The following NME7 variants were observed in gnomAD, a reference collection of about 807,000 sequenced individuals.
The protein encoded by NME7 is nucleoside diphosphate kinase 7.
NME7 carries 41 observed loss-of-function variants against 49.1 expected under a neutral mutation model. The ratio of observed to expected loss-of-function variants is 0.83; its 90% CI spans 0.65 to 1.08. NME7 has a LOEUF of 1.08. Ranked by LOEUF, NME7 falls within the 50% of genes least tolerant of loss-of-function variation. The probability of loss-of-function intolerance (pLI) is 0.00; values close to 1 mark genes in which losing one functional copy is unlikely to be tolerated. For synonymous variants in NME7, 139 were observed against 150.6 expected (o/e 0.92, Z 0.56); for missense variants, 423 against 463.4 (o/e 0.91, Z 0.80).
At chr1:169,342,542 ATAG>A (rs1389551417) in intron 1 of NME7, among the ~76,000 whole-genome samples, 2 of 126,362 alleles carry the variant, frequency 1.6e-5, no homozygotes, top group African/African-American at 5.7e-5. Context: ...GTACATATAT[ATAG>A]TATATATATA....
At chr1:169,272,754 A>T (rs1314844787) in intron 7 of NME7, among the ~76,000 whole-genome samples, 1 of 133,234 alleles carries the variant, frequency 7.5e-6, no homozygotes, top group East Asian at 2.0e-4. Context: ...TGCAATGAAC[A>T]TACACGTGCA....
At chr1:169,159,955 T>C (rs1248003684) in intron 11 of NME7, among the ~76,000 whole-genome samples, 1 of 152,168 alleles carries the variant, frequency 6.6e-6, no homozygotes, top group Non-Finnish European at 1.5e-5. Context: ...GTGATTTCAA[T>C]GCCACTCAAC....
chr1:169,351,823 T>TA (rs1209233255), intron 1 of NME7, among the ~76,000 whole-genome samples: 1 of 151,762 alleles, frequency 6.6e-6, no homozygotes, highest in Non-Finnish European at 1.5e-5. Context: ...TAAAAATCTG[T>TA]AAAAAATCAA....
At chr1:169,204,007 C>A (rs1173269887) in intron 10 of NME7, among the ~76,000 whole-genome samples, 1 of 151,958 alleles carries the variant, frequency 6.6e-6, no homozygotes, top group Non-Finnish European at 1.5e-5. Context: ...CAGGTATGCA[C>A]CACCATGCCT....
chr1:169,342,667 GTATATATATATACAAGTAC>G (rs1652779532), intron 1 of NME7, among the ~76,000 whole-genome samples: 2 of 25,336 alleles, frequency 7.9e-5, no homozygotes, highest in Admixed American at 6.1e-4. Flanking sequence ...TATATATATA[GTATATATATATACAAGTAC>G]ATATATATAG....
chr1:169,209,941 T>C (rs1490560359), intron 10 of NME7, among the ~76,000 whole-genome samples: 1 of 152,198 alleles, frequency 6.6e-6, no homozygotes, highest in African/African-American at 2.4e-5. Context: ...CTGTTATTAA[T>C]ATAATTTCTT....
intron 6 of NME7, among the ~76,000 whole-genome samples, chr1:169,291,342 G>T (rs938962681): frequency 2.0e-5 from 3 of 152,148 alleles, no homozygotes; most frequent in Non-Finnish European, 4.4e-5. Context: ...AAAAATGGAT[G>T]AGTTCATGTC....
intron 10 of NME7, among the ~76,000 whole-genome samples, chr1:169,205,295 G>T (rs767929733): frequency 6.6e-6 from 1 of 152,052 alleles, no homozygotes; most frequent in Non-Finnish European, 1.5e-5. Context: ...TGTATGAAAA[G>T]AATAAGGTTC....
At chr1:169,216,672 A>C (rs1045679403) in intron 10 of NME7, among the ~76,000 whole-genome samples, 2 of 152,244 alleles carry the variant, frequency 1.3e-5, no homozygotes, top group Non-Finnish European at 2.9e-5. Flanking sequence ...TGGGAATTGC[A>C]ATTAGCACAG....
At chr1:169,279,963 T>G (rs763525188) in intron 7 of NME7, among the ~76,000 whole-genome samples, 29 of 152,228 alleles carry the variant, frequency 1.9e-4, no homozygotes, top group Non-Finnish European at 4.0e-4. Context: ...TTTATAACCC[T>G]TTGGGTATAT....
chr1:169,271,614 C>A (rs1649494781), intron 7 of NME7, among the ~76,000 whole-genome samples: 1 of 133,348 alleles, frequency 7.5e-6, no homozygotes, highest in Non-Finnish European at 1.8e-5. Context: ...TGTGCTTGCC[C>A]TTTATTGTAT....
At chr1:169,150,754 C>G in intron 11 of NME7, among the ~76,000 whole-genome samples, 1 of 109,956 alleles carries the variant, frequency 9.1e-6, no homozygotes. Flanking sequence ...AGAAGAGAGG[C>G]TGGAAAAGGA....
chr1:169,366,397 G>T (rs1653853206), intron 1 of NME7, among the ~76,000 whole-genome samples: 1 of 152,218 alleles, frequency 6.6e-6, no homozygotes, highest in South Asian at 2.1e-4. Flanking sequence ...ATCCTTTCAA[G>T]AAGTTTACTG....
At chr1:169,231,235 C>T (rs902117680) in intron 9 of NME7, among the ~76,000 whole-genome samples, 1 of 152,146 alleles carries the variant, frequency 6.6e-6, no homozygotes, top group Non-Finnish European at 1.5e-5. Flanking sequence ...CAGATTTATT[C>T]TCCCATATTA....
chr1:169,246,617 A>AT (rs3216527), intron 7 of NME7, among the ~76,000 whole-genome samples: 56 of 151,324 alleles, frequency 3.7e-4, no homozygotes, highest in African/African-American at 1.2e-3. Context: ...TTTTATTTGT[A>AT]TTTTTTTTTA....
intron 10 of NME7, among the ~76,000 whole-genome samples, chr1:169,176,086 T>C (rs1241348306): frequency 6.6e-6 from 1 of 152,158 alleles, no homozygotes; most frequent in African/African-American, 2.4e-5. Context: ...TCAAACAGCT[T>C]TTCCCAGTAG....
At chr1:169,143,161 C>G (rs10081960) in intron 11 of NME7, among the ~76,000 whole-genome samples, 50,235 of 151,660 alleles carry the variant, frequency 0.33, 8,841 homozygotes, top group Non-Finnish European at 0.4. Context: ...TGTCAACGCC[C>G]ATTCCCCTCA....
chr1:169,190,852 G>T (rs540219040), intron 10 of NME7: 2 of 92,054 alleles, frequency 2.2e-5, no homozygotes, highest in Admixed American at 1.9e-4. Context: ...TCGCTCTGTC[G>T]CCCAGGCTGG....
chr1:169,247,335 G>A (rs1004033286), intron 7 of NME7, among the ~76,000 whole-genome samples: 3 of 152,172 alleles, frequency 2.0e-5, no homozygotes, highest in African/African-American at 7.2e-5. Context: ...GCTATGGATA[G>A]AGTGAGCTGC....
Sources: gnomAD v4.1 joint callset for allele counts (sites outside exome capture counted in the v4.1 genomes callset) on GRCh38, gnomAD v4.1.1 for gene constraint, MANE v1.5 for transcripts, NCBI Gene and HGNC (gene_info 2026-07-23, HGNC 2026-07-21) for gene names.